Variants in PDE4DIP observed in about 807,000 individuals in gnomAD.
PDE4DIP encodes the protein phosphodiesterase 4D interacting protein.
In PDE4DIP, 59 loss-of-function variants were observed where a neutral mutation model predicts 221.4. The observed-to-expected ratio is 0.27, with a 90% confidence interval of 0.22 to 0.33. The LOEUF (loss-of-function observed/expected upper bound fraction) is 0.33. Among genes scored for constraint, PDE4DIP ranks in the 10% least tolerant of loss-of-function variants. PDE4DIP has a pLI of 1.00. For missense variants in PDE4DIP, 1,036 were observed against 2,154.2 expected (o/e 0.48, Z 10.28); for synonymous variants, 404 against 815.9 (o/e 0.50, Z 8.60).
intron 37 of PDE4DIP, among the ~76,000 whole-genome samples, chr1:149,023,653 C>G (rs1249002661): frequency 7.9e-6 from 1 of 126,172 alleles, no homozygotes. Context: ...TATATATGTA[C>G]ATGTATATGT....
chr1:148,978,170 C>T lies in PDE4DIP; in HGVS notation c.2437-108C>T, dbSNP rs1323791695. 16 of 1,298,134 alleles carry T rather than the reference C, an allele frequency of 1.2e-5. No homozygotes were observed. In the Admixed American group the frequency reaches 3.0e-4, roughly 24 times the overall value. The allele number at this position is 1,298,134 out of a possible 1,614,324, so 80.4% of individuals were successfully genotyped here. ...CCTTGGCCAGTGATTATCCATATCCCACTTGAAAGTATAGGCAGAATATTT... is the reference window on the plus strand; with the variant it reads ...CCTTGGCCAGTGATTATCCATATCCTACTTGAAAGTATAGGCAGAATATTT... On this transcript the variant is annotated intron_variant, in intron 18 of 43. Coordinates refer to ENST00000369354, the Ensembl canonical transcript of PDE4DIP.
chr1:148,813,769 T>C (rs58052471), intron 1 of PDE4DIP, among the ~76,000 whole-genome samples: 1 of 133,212 alleles, frequency 7.5e-6, no homozygotes. Context: ...TTTTTTTTTC[T>C]TTTTTATCTT....
At chr1:148,983,558 A>G (rs1463796514) in intron 21 of PDE4DIP, 1 of 152,532 alleles carries the variant, frequency 6.6e-6, no homozygotes, top group Admixed American at 6.5e-5. Flanking sequence ...ACTTTGTGTG[A>G]TAATTTGGCA....
chr1:148,983,680 A>G (rs1186270207), intron 21 of PDE4DIP: 1 of 152,506 alleles, frequency 6.6e-6, no homozygotes, highest in East Asian at 1.9e-4. Flanking sequence ...CATTTTCTCT[A>G]CAGGAGCACA....
chr1:148,967,622 A>G (rs1553519960), intron 12 of PDE4DIP, 104 bp from the exon 16 acceptor site: 2 of 607,416 alleles, frequency 3.3e-6, no homozygotes, highest in African/African-American at 1.8e-5. Context: ...GCAAATAAAA[A>G]AAAATTGATG....
chr1:148,964,112 A>ATT (rs11401915), intron 9 of PDE4DIP, among the ~76,000 whole-genome samples: 21,563 of 91,202 alleles, frequency 0.24, 2,198 homozygotes, highest in East Asian at 0.37. Flanking sequence ...TCTTTCTTTC[A>ATT]TTTTTTTTTT....
At chr1:148,929,324 C>A (rs368723440) in intron 2 of PDE4DIP, 51 bp downstream of exon 5, 5 of 1,533,364 alleles carry the variant, frequency 3.3e-6, no homozygotes, top group African/African-American at 2.7e-5. Flanking sequence ...TCTTACTAAT[C>A]TGAGAGCAAT....
intron 5 of PDE4DIP, among the ~76,000 whole-genome samples, chr1:148,949,080 G>A (rs1168363677): frequency 9.2e-5 from 14 of 152,014 alleles, no homozygotes; most frequent in Admixed American, 3.3e-4. Flanking sequence ...CTTTTTGATC[G>A]CTGGCTAGTA....
At chr1:148,983,896 G>T (rs1473168487) in intron 21 of PDE4DIP, 2 of 152,030 alleles carry the variant, frequency 1.3e-5, no homozygotes, top group African/African-American at 2.4e-5. Flanking sequence ...GATAGATTTT[G>T]TTTTTCTCAT....
At chr1:148,862,119 A>T (rs1684493726) in intron 1 of PDE4DIP, among the ~76,000 whole-genome samples, 1 of 139,338 alleles carries the variant, frequency 7.2e-6, no homozygotes, top group Non-Finnish European at 1.6e-5. Flanking sequence ...TGTCTACTGA[A>T]AATTGCAATC....
intron 1 of PDE4DIP, among the ~76,000 whole-genome samples, chr1:148,915,045 G>C (rs1200182281): frequency 1.3e-5 from 2 of 149,912 alleles, no homozygotes; most frequent in Non-Finnish European, 3.0e-5. Flanking sequence ...TTGATCTATG[G>C]TTATAAGTGG....
intron 1 of PDE4DIP, among the ~76,000 whole-genome samples, chr1:148,820,577 A>AAAAG (rs1553359707): frequency 7.2e-5 from 10 of 139,276 alleles, no homozygotes; most frequent in African/African-American, 1.9e-4. Context: ...AAAAAAAAAA[A>AAAAG]AAAGAAAGAA....
intron 5 of PDE4DIP, among the ~76,000 whole-genome samples, chr1:148,949,730 T>G (rs1280926402): frequency 1.3e-5 from 2 of 152,228 alleles, no homozygotes; most frequent in African/African-American, 4.8e-5. Flanking sequence ...GATCTTTTAA[T>G]TGGGAACATC....
intron 1 of PDE4DIP, among the ~76,000 whole-genome samples, chr1:148,819,916 C>CTTTTTTTTT (rs10699564): frequency 2.0e-4 from 7 of 34,804 alleles, no homozygotes; most frequent in African/African-American, 2.0e-4. Flanking sequence ...CTGTTTATAT[C>CTTTTTTTTT]TTTTTTTTTT....
At chr1:149,028,457 T>C (rs1318348618) in intron 40 of PDE4DIP, 103 bp from the exon 44 acceptor site, 2 of 898,550 alleles carry the variant, frequency 2.2e-6, no homozygotes, top group South Asian at 1.8e-5. Flanking sequence ...GCTTCACAGG[T>C]TCAAGCAGGC....
chr1:148,862,263 A>G (rs1684585202), intron 1 of PDE4DIP, among the ~76,000 whole-genome samples: 1 of 151,170 alleles, frequency 6.6e-6, no homozygotes, highest in South Asian at 2.1e-4. Flanking sequence ...CCATGAGTGC[A>G]GGGATTTTTG....
intron 5 of PDE4DIP, among the ~76,000 whole-genome samples, chr1:148,944,170 T>C (rs1277169253): frequency 3.9e-5 from 6 of 152,130 alleles, no homozygotes; most frequent in Non-Finnish European, 7.3e-5. Flanking sequence ...TACAAAAAAG[T>C]ATTTTGGAAG....
intron 21 of PDE4DIP, chr1:148,982,384 T>C (rs1553544360): frequency 6.6e-6 from 1 of 152,230 alleles, no homozygotes; most frequent in East Asian, 1.9e-4. Flanking sequence ...CCTATGTTTT[T>C]CACTATTTAG....
Position 149,032,196 on chromosome 1 carries a change from C to A in PDE4DIP, c.*211C>A, listed in dbSNP as rs1384085490. 15 of 876,050 alleles carry A rather than the reference C, an allele frequency of 1.7e-5. 1 individual carries two copies. The African/African-American group carries it at 1.8e-4, about 11-fold the overall frequency. 54.3% of individuals were successfully genotyped at this position (876,050 alleles called of 1,614,324 possible). A position where few individuals can be genotyped will look rare whatever the true frequency, so the allele number is the denominator to read the frequency against. ...GAAAGGCAGAAAGCCTTTCTGACGGCTATGGAATACGATTAGCCAAGGTCC... is the reference window on the plus strand; with the variant it reads ...GAAAGGCAGAAAGCCTTTCTGACGGATATGGAATACGATTAGCCAAGGTCC... On this transcript the variant is annotated 3_prime_UTR_variant, in exon 44 of 44. Coordinates refer to ENST00000369354, the Ensembl canonical transcript of PDE4DIP.
Sources: gnomAD v4.1 joint callset for allele counts (sites outside exome capture counted in the v4.1 genomes callset) on GRCh38, gnomAD v4.1.1 for gene constraint, MANE v1.5 for transcripts, NCBI Gene and HGNC (gene_info 2026-07-23, HGNC 2026-07-21) for gene names.